Variants in GCN1 observed in about 807,000 individuals in gnomAD.
GCN1 encodes the protein stalled ribosome sensor GCN1.
A neutral mutation model predicts 288.4 loss-of-function variants in GCN1; 90 were observed. That is an observed-to-expected ratio of 0.31 (90% CI 0.26 to 0.37). GCN1 has a LOEUF of 0.37. GCN1 is among the 10% of genes least tolerant of loss of function. The pLI is 1.00. For missense variants in GCN1, 2,586 were observed against 3,419.9 expected, an observed-to-expected ratio of 0.76 and a Z score of 6.08; for synonymous variants, 1,386 against 1,420.2, an observed-to-expected ratio of 0.98 and a Z score of 0.54.
chr12:120,174,031 T>G, intron 13 of GCN1, 40 bp downstream of exon 13: 1 of 1,255,960 alleles, frequency 8.0e-7, no homozygotes, highest in South Asian at 1.2e-5. Context: ...CGGTCAAGGA[T>G]GAGTACAGAA....
chr12:120,133,920 A>G (rs1483870243), intron 53 of GCN1, among the ~76,000 whole-genome samples: 2 of 152,194 alleles, frequency 1.3e-5, no homozygotes, highest in Non-Finnish European at 2.9e-5. Flanking sequence ...AAGTACAAGT[A>G]TTAGCTGGGT....
chr12:120,131,217 C>A lies in GCN1; in HGVS notation c.7531G>T (p.Glu2511Ter). 1 of 1,614,220 alleles carries A rather than the reference C, an allele frequency of 6.2e-7. No individual in the cohort carries two copies. Among genetic ancestry groups the A allele is most frequent in the Non-Finnish European group, 8.5e-7 (1 of 1,180,030 alleles). Residue 2511 changes from glutamate (E) to a stop codon, truncating the protein, a stop_gained, in exon 55 of 58, where the codon GAA (glutamate) becomes TAA (stop). Coordinates refer to ENST00000300648, the MANE Select transcript of GCN1 (RefSeq NM_006836.2). LOFTEE classifies it high-confidence loss of function. ...GCCGTGGCACTGCTCAGGATCATTTCCTGAACATCACTGCTATATCTGCCG... is the reference window on the plus strand; with the variant it reads ...GCCGTGGCACTGCTCAGGATCATTTACTGAACATCACTGCTATATCTGCCG... ...CAGRYSSDVQ[E>*]MILSSATADR...
At chr12:120,131,009 G>A (rs1379582954) in intron 55 of GCN1, among the ~76,000 whole-genome samples, 176 bp downstream of exon 55, 1 of 152,218 alleles carries the variant, frequency 6.6e-6, no homozygotes, top group Non-Finnish European at 1.5e-5. Context: ...TTTAGATGAT[G>A]AAACTGGGGC....
chr12:120,178,516 G>A (rs770408028), intron 7 of GCN1, 109 bp downstream of exon 7: 1 of 1,101,272 alleles, frequency 9.1e-7, no homozygotes, highest in Non-Finnish European at 1.4e-6. Flanking sequence ...TTCAGATAAG[G>A]TCAACAGCTA....
chr12:120,159,330 G>A (rs542448453), intron 24 of GCN1, among the ~76,000 whole-genome samples: 14 of 152,252 alleles, frequency 9.2e-5, no homozygotes, highest in Admixed American at 2.6e-4. Flanking sequence ...GAACATCACC[G>A]TTAGGCCAGG....
chr12:120,151,863 C>T (rs1877564663), intron 33 of GCN1, among the ~76,000 whole-genome samples: 1 of 152,222 alleles, frequency 6.6e-6, no homozygotes, highest in East Asian at 1.9e-4. Flanking sequence ...ATCCTGCCTC[C>T]CAGCCGCAGC....
At chr12:120,189,229 T>C (rs1293343437) in intron 2 of GCN1, among the ~76,000 whole-genome samples, 1 of 149,918 alleles carries the variant, frequency 6.7e-6, no homozygotes, top group South Asian at 2.1e-4. Context: ...TGCGTCACCA[T>C]GCTCAGCTAA....
chr12:120,175,236 TCACATTCACATATGC>T (rs763657182), intron 11 of GCN1, 24 bp from the exon 12 acceptor site: 15 of 1,600,402 alleles, frequency 9.4e-6, no homozygotes, highest in Non-Finnish European at 1.2e-5. Context: ...CAGCAAAGAT[TCACATTCACATATGC>T]CACATTTCCC....
At position 120,151,142 on chromosome 12, in the gene GCN1, C is replaced by A; in HGVS notation, c.4309+3G>T. 15 of 1,612,416 alleles carry A rather than the reference C, an allele frequency of 9.3e-6. No individual in the cohort carries two copies. Among genetic ancestry groups the A allele is most frequent in the Non-Finnish European group, 1.2e-5 (14 of 1,179,756 alleles). ...GGGCAGCCCCAAGCTCAGAGATGCT[C>A]ACCCTCTCGCCGGCGGAAGTTCTTC... On this transcript the variant is annotated splice_donor_region_variant and intron_variant, in intron 34 of 57. Transcript: ENST00000300648.
intron 15 of GCN1, among the ~76,000 whole-genome samples, chr12:120,169,744 C>T (rs539164401): frequency 2.0e-5 from 3 of 152,290 alleles, no homozygotes; most frequent in South Asian, 4.1e-4. Flanking sequence ...CTTCGTGATC[C>T]GCCTGCCTCG....
Position 120,131,180 on chromosome 12 carries a change from CT to C in GCN1, c.7563+4del. On this transcript the variant is annotated splice_donor_region_variant and intron_variant, in intron 55 of 57. Transcript: ENST00000300648. Reference sequence around the variant, plus strand: ...TGCCTATGGGATATGGCCCGAATGCCTTACCCTGTCCGCCGTGGCACTGCTC... The same window carrying C: ...TGCCTATGGGATATGGCCCGAATGCCTACCCTGTCCGCCGTGGCACTGCTC... 1 of 1,614,018 alleles carries C rather than the reference CT, an allele frequency of 6.2e-7. No individual in the cohort carries two copies. Among genetic ancestry groups the C allele is most frequent in the Non-Finnish European group, 8.5e-7 (1 of 1,179,868 alleles).
Position 120,173,806 on chromosome 12 carries a change from G to T in GCN1, c.1213C>A (p.His405Asn), listed in dbSNP as rs1220825563. 3.1e-6 allele frequency: 5 copies of T among 1,613,768 alleles called. No individual in the cohort carries two copies. The highest frequency in any genetic ancestry group is 4.2e-6 in the Non-Finnish European group (5 of 1,179,756). ...CAGAGAGCCAGGACTGAGACAGCGT[G>T]TACCAAGGTCCCTTCATGAACTAGG... ...QQEVHEGTLV[H>N]AVSVLALWCN... The change falls in exon 14 of 58, where the codon CAC becomes AAC. Residue 405 changes from histidine (H) to asparagine (N), a missense_variant. Around this residue, in one of 8 missense-constraint regions of GCN1, gnomAD observed 913 missense variants for 1,107.0 expected, o/e 0.82. Coordinates refer to ENST00000300648, the MANE Select transcript of GCN1 (RefSeq NM_006836.2).
chr12:120,129,052 A>C (rs748089406), intron 57 of GCN1, among the ~76,000 whole-genome samples: 145 of 151,406 alleles, frequency 9.6e-4, no homozygotes, highest in Non-Finnish European at 1.8e-3. Flanking sequence ...GTTAGCCTTC[A>C]TCTCCTGACT....
intron 16 of GCN1, 71 bp downstream of exon 16, chr12:120,168,137 G>T: frequency 1.1e-6 from 1 of 941,240 alleles, no homozygotes; most frequent in Middle Eastern, 2.1e-4. Flanking sequence ...GTCAAGAAAG[G>T]GTCCTCTCTG....
intron 45 of GCN1, 144 bp from the exon 46 acceptor site, chr12:120,139,000 ACTGTG>A: frequency 3.1e-6 from 2 of 651,048 alleles, no homozygotes; most frequent in Non-Finnish European, 2.6e-6. Flanking sequence ...TTAACTCTTT[ACTGTG>A]AAATAAAAAA....
At position 120,146,494 on chromosome 12, in the gene GCN1, G is replaced by A. The variant is rs977850437; in HGVS notation, c.4947+558C>T. On this transcript the variant is annotated intron_variant, in intron 38 of 57. Coordinates refer to ENST00000300648, the MANE Select transcript of GCN1 (RefSeq NM_006836.2). ...TATCCTCCCATTTCAGCATCCCAAA[G>A]TCCTGGGATTACAAGCATTAGCCAC... Among the ~76,000 whole-genome samples the A allele has an allele frequency of 5.9e-5, 9 of 151,912 alleles. No individual in the cohort carries two copies. In the East Asian group the frequency reaches 1.7e-3, roughly 29 times the overall value.
At chr12:120,190,724 CTTAT>C (rs1447807888) in intron 1 of GCN1, among the ~76,000 whole-genome samples, 1 of 152,108 alleles carries the variant, frequency 6.6e-6, no homozygotes, top group Non-Finnish European at 1.5e-5. Context: ...ATCAATATAC[CTTAT>C]TTAAACTTTG....
At chr12:120,189,360 C>A (rs1449935991) in intron 2 of GCN1, among the ~76,000 whole-genome samples, 2 of 150,842 alleles carry the variant, frequency 1.3e-5, no homozygotes, top group Non-Finnish European at 3.0e-5. Context: ...CGTGAGCCAC[C>A]ACACCCAGGC....
Position 120,137,852 on chromosome 12 carries a change from C to A in GCN1, c.6394-38G>T. On this transcript the variant is annotated intron_variant, in intron 48 of 57. Coordinates refer to ENST00000300648, the MANE Select transcript of GCN1 (RefSeq NM_006836.2). The surrounding 1 kb of genome is among the most constrained non-coding windows in gnomAD (Gnocchi z 5.2). ...AGGGACATGTGTGCTGAGCAGGGAT[C>A]CTCCGGGCAGACGGGACATGAGAAA... The A allele has an allele frequency of 2.5e-6, 4 of 1,612,716 alleles. No homozygotes were observed. The highest frequency in any genetic ancestry group is 3.4e-6 in the Non-Finnish European group (4 of 1,178,820).
Sources: allele counts gnomAD v4.1 joint callset (sites outside exome capture counted in the v4.1 genomes callset), GRCh38; gene constraint gnomAD v4.1.1; regional missense constraint gnomAD v4.1.1; non-coding constraint Gnocchi (gnomAD v3.1); transcripts MANE v1.5; gene names NCBI Gene and HGNC (gene_info 2026-07-23, HGNC 2026-07-21).